NUCB1: variants seen among roughly 807,000 people sequenced by gnomAD.
NUCB1 encodes nucleobindin-1.
A neutral mutation model predicts 61.2 loss-of-function variants in NUCB1; 47 were observed. The observed-to-expected ratio is 0.77, with a 90% CI of 0.61 to 0.98. The LOEUF is 0.98. Among genes scored for constraint, NUCB1 ranks in the 50% least tolerant of loss-of-function variants. The pLI, the probability that NUCB1 is intolerant of heterozygous loss-of-function variation, is 0.00. For missense variants in NUCB1, 583 were observed against 605.3 expected (o/e 0.96, Z 0.39); for synonymous variants, 234 against 243.1 (o/e 0.96, Z 0.35).
chr19:48,919,020 G>T lies in NUCB1; in HGVS notation c.817-10G>T. On this transcript the variant is annotated splice_polypyrimidine_tract_variant and intron_variant, in intron 8 of 12. Coordinates refer to ENST00000405315, the MANE Select transcript of NUCB1 (RefSeq NM_006184.6). ...TCTCAATGCTGTCTGCCTCTCGCTT[G>T]CTCCTGCAGCTGGAGAAAGTGTACG... 6.2e-7 allele frequency: 1 copy of T among 1,612,758 alleles called. No homozygotes were observed.
rs192733743 is a variant in NUCB1, at chr19:48,917,312, T to A, written c.758-1414T>A. Among the ~76,000 whole-genome samples the A allele has an allele frequency of 3.3e-5, 5 of 152,206 alleles. No individual in the cohort carries two copies. In the East Asian group the frequency reaches 9.7e-4, roughly 29 times the overall value. On this transcript the variant is annotated intron_variant, in intron 7 of 12. Coordinates refer to ENST00000405315, the MANE Select transcript of NUCB1 (RefSeq NM_006184.6). ...TAGGTTCAGAGCAACTCCCTATACC[T>A]TTTTTTATTTTTCATTTTTTTTATT...
chr19:48,909,540 C>T (rs1291233501), intron 4 of NUCB1, among the ~76,000 whole-genome samples: 2 of 151,850 alleles, frequency 1.3e-5, no homozygotes, highest in Non-Finnish European at 2.9e-5. Context: ...AGCCACCGCG[C>T]CCGGCCTATT....
At chr19:48,916,518 G>T in intron 7 of NUCB1, among the ~76,000 whole-genome samples, 1 of 152,098 alleles carries the variant, frequency 6.6e-6, no homozygotes, top group Non-Finnish European at 1.5e-5. Flanking sequence ...TCCTTGGGAG[G>T]CAGAGGTGGG....
intron 5 of NUCB1, among the ~76,000 whole-genome samples, chr19:48,912,038 T>C (rs922360694): frequency 7.4e-6 from 1 of 135,288 alleles, no homozygotes; most frequent in Admixed American, 7.4e-5. Context: ...TTTTTTTTTT[T>C]ACCTGAGACA....
chr19:48,913,375 G>A lies in NUCB1; in HGVS notation c.667-99G>A, dbSNP rs1438657649. 3 of 1,258,790 alleles carry A rather than the reference G, an allele frequency of 2.4e-6. No homozygotes were observed. In the African/African-American group the frequency reaches 4.5e-5, roughly 19 times the overall value. The allele number at this position is 1,258,790 out of a possible 1,614,324, so 78.0% of individuals were successfully genotyped here. On this transcript the variant is annotated intron_variant, in intron 6 of 12. Coordinates refer to ENST00000405315, the MANE Select transcript of NUCB1 (RefSeq NM_006184.6). ...TAGTTTTCTTAGTTTTCTTGCTTGAGGGAGATGATGTTTGTTGGATGAGGG... is the reference window on the plus strand; with the variant it reads ...TAGTTTTCTTAGTTTTCTTGCTTGAAGGAGATGATGTTTGTTGGATGAGGG...
intron 4 of NUCB1, 98 bp downstream of exon 4, chr19:48,905,983 C>G: frequency 7.7e-7 from 1 of 1,298,750 alleles, no homozygotes; most frequent in South Asian, 1.3e-5. Flanking sequence ...CAGGTGAGGC[C>G]TCCCTCCCCG....
Position 48,922,603 on chromosome 19 carries a change from A to G in NUCB1, c.*179A>G. ...CAGGTCCACCTGTCTCCACTTTCACAGCCTCCAAGTCTGTGGCTCTTCCCT... is the reference window on the plus strand; with the variant it reads ...CAGGTCCACCTGTCTCCACTTTCACGGCCTCCAAGTCTGTGGCTCTTCCCT... On this transcript the variant is annotated 3_prime_UTR_variant, in exon 13 of 13. Coordinates refer to ENST00000405315, the MANE Select transcript of NUCB1 (RefSeq NM_006184.6). 1 of 593,142 alleles carries G rather than the reference A, an allele frequency of 1.7e-6. No individual in the cohort carries two copies. The highest frequency in any genetic ancestry group is 3.0e-6 in the Non-Finnish European group (1 of 329,048). 36.7% of individuals were successfully genotyped at this position (593,142 alleles called of 1,614,324 possible).
In NUCB1 at chr19:48,911,185, T is replaced by C. The variant is rs201726333; in HGVS notation, c.413T>C (p.Phe138Ser). Residue 138 changes from phenylalanine (F) to serine (S), a missense_variant, in exon 5 of 13, where the codon TTT becomes TCT. Coordinates refer to ENST00000405315, the MANE Select transcript of NUCB1 (RefSeq NM_006184.6). Reference protein sequence around the residue: ...QVDHLNLLKQFEHLDPQNQHT... With the variant: ...QVDHLNLLKQSEHLDPQNQHT... Reference sequence around the variant, plus strand: ...GATCATCTGAATCTCCTGAAACAGTTTGAACACCTGGACCCTCAGAACCAG... The same window carrying C: ...GATCATCTGAATCTCCTGAAACAGTCTGAACACCTGGACCCTCAGAACCAG... 17 of 1,613,832 alleles carry C rather than the reference T, an allele frequency of 1.1e-5. No individual in the cohort carries two copies. The Admixed American group carries it at 1.2e-4, about 11-fold the overall frequency.
chr19:48,913,005 C>A lies in NUCB1; in HGVS notation c.481-6C>A. ...CAGAGGGGAATGACCCTGTGCCTTT[C>A]CCCAGGCCACCCGGGACCTTGCCCA... On this transcript the variant is annotated splice_region_variant and splice_polypyrimidine_tract_variant and intron_variant, in intron 5 of 12. Transcript: ENST00000405315. 6.3e-7 allele frequency: 1 copy of A among 1,599,586 alleles called. No individual in the cohort carries two copies. Among genetic ancestry groups the A allele is most frequent in the Non-Finnish European group, 8.5e-7 (1 of 1,172,484 alleles).
intron 2 of NUCB1, among the ~76,000 whole-genome samples, chr19:48,903,394 T>TGGATGGATGGGCAGG (rs772895334): frequency 0.096 from 9,956 of 103,800 alleles, 1,050 homozygotes; most frequent in Non-Finnish European, 0.13. Flanking sequence ...GGATGGGCAG[T>TGGATGGATGGGCAGG]TGGATGGATG....
At chr19:48,921,488 C>A in intron 11 of NUCB1, 164 bp downstream of exon 11, 1 of 817,176 alleles carries the variant, frequency 1.2e-6, no homozygotes, top group Non-Finnish European at 2.0e-6. Flanking sequence ...GTTTTCCCGT[C>A]TCTGACGGCT....
chr19:48,913,347 T>C, intron 6 of NUCB1, 127 bp from the exon 7 acceptor site: 2 of 1,209,368 alleles, frequency 1.7e-6, no homozygotes, highest in South Asian at 1.4e-5. Flanking sequence ...CTGCTGGGAG[T>C]TGTAGTTTTC....
chr19:48,907,888 G>A (rs1036472341), intron 4 of NUCB1, among the ~76,000 whole-genome samples: 11 of 152,214 alleles, frequency 7.2e-5, no homozygotes, highest in South Asian at 4.1e-4. Flanking sequence ...AATTGCTGGC[G>A]TGCAGCCTTG....
At chr19:48,903,450 A>G (rs113611446) in intron 2 of NUCB1, among the ~76,000 whole-genome samples, 3,056 of 50,484 alleles carry the variant, frequency 0.061, 297 homozygotes, top group African/African-American at 0.15. Flanking sequence ...GGATGGATGG[A>G]TGGGTGGTTG....
chr19:48,915,558 G>A (rs2037530070), intron 7 of NUCB1, among the ~76,000 whole-genome samples: 1 of 152,012 alleles, frequency 6.6e-6, no homozygotes. Context: ...GGGGTCTCAG[G>A]TAGTGACGTG....
intron 10 of NUCB1, among the ~76,000 whole-genome samples, chr19:48,919,492 T>C (rs534782472): frequency 1.5e-3 from 223 of 151,110 alleles, no homozygotes; most frequent in Non-Finnish European, 2.5e-3. Flanking sequence ...TATTTATTTA[T>C]TCTGAGACGG....
At position 48,913,160 on chromosome 19, in the gene NUCB1, G is replaced by A. The variant is rs2037497325; in HGVS notation, c.630G>A (p.Gln210=). ...KEAERKLEEQ[Q]RRHREHPKVN... Reference sequence around the variant, plus strand: ...CGGAGAGGAAGCTGGAAGAGCAACAGCGCCGGCACCGCGAGCACCCTAAAG... The same window carrying A: ...CGGAGAGGAAGCTGGAAGAGCAACAACGCCGGCACCGCGAGCACCCTAAAG... Residue 210 remains glutamine (Q), a synonymous_variant, in exon 6 of 13, where the codon CAG becomes CAA. Transcript: ENST00000405315. 1.2e-6 allele frequency: 2 copies of A among 1,613,818 alleles called. No individual in the cohort carries two copies. The highest frequency in any genetic ancestry group is 1.1e-5 in the South Asian group (1 of 91,072).
chr19:48,918,659 T>A (rs775958438), intron 7 of NUCB1, 67 bp from the exon 8 acceptor site: 19 of 1,382,894 alleles, frequency 1.4e-5, no homozygotes, highest in Non-Finnish European at 1.9e-5. Flanking sequence ...CCAAAATTTC[T>A]TCACCAGGGA....
At chr19:48,912,877 C>T (rs942205983) in intron 5 of NUCB1, 134 bp from the exon 6 acceptor site, 8 of 496,084 alleles carry the variant, frequency 1.6e-5, no homozygotes, top group South Asian at 1.3e-4. Context: ...CATTAGGACA[C>T]GAGACGTAAG....
Sources: gnomAD v4.1 joint callset for allele counts (sites outside exome capture counted in the v4.1 genomes callset) on GRCh38, gnomAD v4.1.1 for gene constraint, MANE v1.5 for transcripts, NCBI Gene and HGNC (gene_info 2026-07-23, HGNC 2026-07-21) for gene names.